Variants in XRRA1 observed in about 807,000 individuals in gnomAD.
The protein encoded by XRRA1 is X-ray radiation resistance-associated protein 1.
XRRA1 carries 69 observed loss-of-function variants against 80.2 expected under a neutral mutation model. The observed-to-expected ratio is 0.86, with a 90% CI of 0.71 to 1.05. XRRA1 has a LOEUF of 1.05. Among genes scored for constraint, XRRA1 ranks in the 50% least tolerant of loss-of-function variants. The pLI is 0.00. For synonymous variants in XRRA1, 348 were observed against 389.9 expected (o/e 0.89, Z 1.27); for missense variants, 967 against 976.4 (o/e 0.99, Z 0.13).
intron 8 of XRRA1, chr11:74,911,140 C>CT (rs2055791494): frequency 6.6e-6 from 1 of 152,266 alleles, no homozygotes; most frequent in African/African-American, 2.4e-5. Context: ...GGAGCACCAA[C>CT]GTTTAAGAGG....
chr11:74,926,837 T>G (rs1014090533), intron 7 of XRRA1, among the ~76,000 whole-genome samples: 4 of 152,228 alleles, frequency 2.6e-5, no homozygotes, highest in African/African-American at 9.6e-5. Context: ...ACTCTGCTGC[T>G]GATCCCAAAG....
chr11:74,843,370 G>A lies in XRRA1; in HGVS notation c.2233C>T (p.Gln745Ter), dbSNP rs1284025392. Residue 745 changes from glutamine to a stop codon, truncating the protein, a stop_gained, in exon 19 of 19, where the codon CAG (glutamine) becomes TAG (stop). Transcript: ENST00000684022. LOFTEE classifies it low-confidence loss of function (END_TRUNC). ...CTCACCAGCTGCCGGTAACGTGCCT[G>A]GAACTCCTTCAACAGCCTCTTGGCC... ...LEAKRLLKEFQARYRQLVSGS... is the reference protein window; with the variant it reads ...LEAKRLLKEF 1 of 1,611,892 alleles carries A rather than the reference G, an allele frequency of 6.2e-7. No homozygotes were observed. Among genetic ancestry groups the A allele is most frequent in the African/African-American group, 1.3e-5 (1 of 74,882 alleles).
chr11:74,848,315 CCA>C lies in XRRA1; in HGVS notation c.1526_1527del (p.Val509GlyfsTer7). On this transcript the variant is annotated frameshift_variant, in exon 15 of 19. Transcript: ENST00000684022. LOFTEE classifies it high-confidence loss of function. The part of the protein sequence containing the change: ...EDLPTTKSTS[V>X]ESEMPTENLE... ...AGGTTCTCAGTGGGCATCTCTGACT[CCA>C]CAGAAGTGCTTTTGGTAGTGGGCAG... 1 of 1,613,894 alleles carries C rather than the reference CCA, an allele frequency of 6.2e-7. No individual in the cohort carries two copies. Among genetic ancestry groups the C allele is most frequent in the Non-Finnish European group, 8.5e-7 (1 of 1,179,836 alleles).
intron 16 of XRRA1, 124 bp downstream of exon 16, chr11:74,844,949 T>A: frequency 1.1e-6 from 1 of 937,416 alleles, no homozygotes; most frequent in Non-Finnish European, 1.6e-6. Context: ...TGACAGGTAT[T>A]TAGACAGAGG....
intron 1 of XRRA1, among the ~76,000 whole-genome samples, chr11:74,948,362 A>G (rs1948067099): frequency 6.7e-6 from 1 of 150,368 alleles, no homozygotes; most frequent in African/African-American, 2.5e-5. Flanking sequence ...GTAATAGAGC[A>G]TGGTATAATA....
intron 15 of XRRA1, 78 bp from the exon 16 acceptor site, chr11:74,845,349 G>T: frequency 6.8e-7 from 1 of 1,462,876 alleles, no homozygotes; most frequent in Non-Finnish European, 9.3e-7. Flanking sequence ...TATCATCTCT[G>T]TGCTGGTCTC....
intron 10 of XRRA1, among the ~76,000 whole-genome samples, chr11:74,897,343 ACAGTGAAGTATGCCTAC>A (rs1337306545): frequency 6.6e-6 from 1 of 152,076 alleles, no homozygotes; most frequent in Non-Finnish European, 1.5e-5. Flanking sequence ...GAATAAAAAA[ACAGTGAAGTATGCCTAC>A]CAGATCCAGA....
In XRRA1 at chr11:74,904,901, A is replaced by G. The variant is rs1015103982; in HGVS notation, c.1003+1338T>C. ...AAACCAACTTCACAGTAAAAAAAAAAAAAAAAAAAGCCAGAAATGCAAGGA... is the reference window on the plus strand; with the variant it reads ...AAACCAACTTCACAGTAAAAAAAAAGAAAAAAAAAGCCAGAAATGCAAGGA... On this transcript the variant is annotated intron_variant, in intron 10 of 18. Coordinates refer to ENST00000684022, the MANE Select transcript of XRRA1 (RefSeq NM_001378157.1). Among the ~76,000 whole-genome samples the G allele has an allele frequency of 1.3e-5, 2 of 151,724 alleles. 1 individual carries two copies.
intron 10 of XRRA1, among the ~76,000 whole-genome samples, chr11:74,870,212 A>C (rs969080479): frequency 6.6e-6 from 1 of 152,186 alleles, no homozygotes; most frequent in African/African-American, 2.4e-5. Context: ...CGGTACCCTC[A>C]GGGTGCTGGG....
At chr11:74,859,826 C>T (rs1463470124) in intron 11 of XRRA1, among the ~76,000 whole-genome samples, 1 of 152,096 alleles carries the variant, frequency 6.6e-6, no homozygotes, top group East Asian at 1.9e-4. Context: ...ATGACTTCAA[C>T]CTGCCCGTGG....
At chr11:74,876,706 C>G (rs528111173) in intron 10 of XRRA1, 4 of 152,096 alleles carry the variant, frequency 2.6e-5, no homozygotes, top group Non-Finnish European at 5.9e-5. Flanking sequence ...AGAGAGCAAC[C>G]CCAGACAGCC....
intron 10 of XRRA1, among the ~76,000 whole-genome samples, chr11:74,901,482 A>C (rs2053566820): frequency 6.6e-6 from 1 of 152,228 alleles, no homozygotes. Context: ...AGAATGGCCA[A>C]ATCTATCCTG....
At chr11:74,871,587 A>G (rs544548246) in intron 10 of XRRA1, among the ~76,000 whole-genome samples, 1 of 152,280 alleles carries the variant, frequency 6.6e-6, no homozygotes, top group Admixed American at 6.5e-5. Context: ...TAAAAAAGCA[A>G]CTTCAGGCAG....
chr11:74,855,044 T>C (rs2040756266), intron 12 of XRRA1, among the ~76,000 whole-genome samples: 1 of 151,922 alleles, frequency 6.6e-6, no homozygotes. Flanking sequence ...AGTGAGACTC[T>C]GTCTCAAAAA....
At chr11:74,898,576 C>T (rs1248990807) in intron 10 of XRRA1, among the ~76,000 whole-genome samples, 2 of 151,572 alleles carry the variant, frequency 1.3e-5, no homozygotes, top group Non-Finnish European at 2.9e-5. Context: ...ATATTCCATG[C>T]AAGTGGAAAC....
At chr11:74,915,431 C>T (rs906619283) in intron 8 of XRRA1, among the ~76,000 whole-genome samples, 4 of 152,204 alleles carry the variant, frequency 2.6e-5, no homozygotes, top group African/African-American at 7.2e-5. Context: ...CAGTTGCCCT[C>T]TTTCCCTTGG....
At position 74,848,061 on chromosome 11, in the gene XRRA1, C is replaced by T. The variant is rs11824452; in HGVS notation, c.1728+54G>A. ...ACAGCAATCGAGCCTAAGGGCTGCA[C>T]AGGAACCTGTGGGAGCTAGCAACAA... On this transcript the variant is annotated intron_variant, in intron 15 of 18. Transcript: ENST00000684022. 5,858 of 1,516,216 alleles carry T rather than the reference C, an allele frequency of 3.9e-3. 170 individuals are homozygous for T. The African/African-American group carries it at 0.071, about 18-fold the overall frequency. The allele number at this position is 1,516,216 out of a possible 1,614,324, so 93.9% of individuals were successfully genotyped here.
intron 7 of XRRA1, among the ~76,000 whole-genome samples, chr11:74,926,217 A>C (rs1942199221): frequency 6.6e-6 from 1 of 152,226 alleles, no homozygotes; most frequent in African/African-American, 2.4e-5. Flanking sequence ...TTAAAAATGC[A>C]AAGATATATA....
intron 14 of XRRA1, 85 bp from the exon 15 acceptor site, chr11:74,848,547 T>C: frequency 7.9e-7 from 1 of 1,265,510 alleles, no homozygotes; most frequent in South Asian, 1.5e-5. Flanking sequence ...GCCACTTGTA[T>C]AGCAGCCGGA....
Sources: allele counts gnomAD v4.1 joint callset (sites outside exome capture counted in the v4.1 genomes callset), GRCh38; gene constraint gnomAD v4.1.1; transcripts MANE v1.5; gene names NCBI Gene and HGNC (gene_info 2026-07-23, HGNC 2026-07-21).